Variants in DCDC1 observed in about 807,000 individuals in gnomAD.
DCDC1 encodes the protein doublecortin domain-containing protein 1.
DCDC1 carries 200 observed loss-of-function variants against 178.3 expected under a neutral mutation model. That is an observed-to-expected ratio of 1.12 (90% CI 1.00 to 1.26). The LOEUF (loss-of-function observed/expected upper bound fraction) is 1.26, where lower values mean the gene tolerates loss of function less well. DCDC1 is among the 50% of genes most tolerant of loss of function. The pLI, the probability that DCDC1 is intolerant of heterozygous loss-of-function variation, is 0.00. For synonymous variants in DCDC1, 690 were observed against 604.8 expected, an observed-to-expected ratio of 1.14 and a Z score of -2.07; for missense variants, 1,983 against 1,749.2, an observed-to-expected ratio of 1.13 and a Z score of -2.38.
chr11:30,894,420 T>A, intron 34 of DCDC1, 36 bp from the exon 35 acceptor site: 1 of 1,603,606 alleles, frequency 6.2e-7, no homozygotes, highest in Non-Finnish European at 8.5e-7. Flanking sequence ...TTGTTTCTGA[T>A]GATAGGCTTT....
chr11:31,085,124 G>T (rs1235792181), intron 17 of DCDC1, among the ~76,000 whole-genome samples: 1 of 150,988 alleles, frequency 6.6e-6, no homozygotes, highest in African/African-American at 2.4e-5. Flanking sequence ...TAACCATTTA[G>T]TCATTCCTTA....
chr11:31,327,918 CA>C (rs1206840273), intron 3 of DCDC1, among the ~76,000 whole-genome samples, 198 bp downstream of exon 3: 1 of 151,636 alleles, frequency 6.6e-6, no homozygotes, highest in Non-Finnish European at 1.5e-5. Context: ...TTAGTAGAGA[CA>C]GGGTTTCACC....
intron 8 of DCDC1, among the ~76,000 whole-genome samples, chr11:31,259,958 G>C (rs1455485074): frequency 6.6e-6 from 1 of 152,158 alleles, no homozygotes; most frequent in East Asian, 1.9e-4. Flanking sequence ...CCTGGGAGTG[G>C]CTACTGTTGT....
intron 21 of DCDC1, chr11:30,943,473 A>G (rs1223914994): frequency 9.4e-6 from 3 of 319,042 alleles, no homozygotes; most frequent in Non-Finnish European, 1.9e-5. Flanking sequence ...ATTTTAATTT[A>G]GATACTTTAA....
At chr11:30,880,942 A>G (rs1406086791) in intron 37 of DCDC1, among the ~76,000 whole-genome samples, 1 of 152,202 alleles carries the variant, frequency 6.6e-6, no homozygotes, top group African/African-American at 2.4e-5. Flanking sequence ...AAGGTTCAAG[A>G]TTAACTGAAA....
chr11:31,081,698 C>A (rs1283178938), intron 17 of DCDC1, among the ~76,000 whole-genome samples: 3 of 152,124 alleles, frequency 2.0e-5, no homozygotes, highest in Non-Finnish European at 2.9e-5. Flanking sequence ...AGCTTCAATT[C>A]TGTTCTGGCA....
chr11:31,141,855 G>A (rs1019413972), intron 9 of DCDC1, among the ~76,000 whole-genome samples: 3 of 152,192 alleles, frequency 2.0e-5, no homozygotes, highest in Non-Finnish European at 4.4e-5. Flanking sequence ...AGTTTAGCGC[G>A]AGAGCTTTCT....
chr11:31,003,990 G>T (rs1261279468), intron 20 of DCDC1, among the ~76,000 whole-genome samples: 1 of 152,142 alleles, frequency 6.6e-6, no homozygotes, highest in Non-Finnish European at 1.5e-5. Flanking sequence ...GCAAGTGGTG[G>T]CTGGTGATGC....
At position 30,932,016 on chromosome 11, in the gene DCDC1, A is replaced by T. The variant is rs1005559780; in HGVS notation, c.2716-64T>A. On this transcript the variant is annotated intron_variant, in intron 21 of 38. Transcript: ENST00000684477. ...GAAGAAGGGTCATGTCTAGATTTTTAAAAATATTAAACACAGTTTATACCT... is the reference window on the plus strand; with the variant it reads ...GAAGAAGGGTCATGTCTAGATTTTTTAAAATATTAAACACAGTTTATACCT... 7 of 1,435,210 alleles carry T rather than the reference A, an allele frequency of 4.9e-6. No homozygotes were observed. The African/African-American group carries it at 7.2e-5, about 15-fold the overall frequency. The allele number at this position is 1,435,210 out of a possible 1,614,324, so 88.9% of individuals were successfully genotyped here. A position where few individuals can be genotyped will look rare whatever the true frequency, so the allele number is the denominator to read the frequency against.
At chr11:30,876,850 G>A (rs975913460) in intron 38 of DCDC1, among the ~76,000 whole-genome samples, 1 of 151,980 alleles carries the variant, frequency 6.6e-6, no homozygotes, top group African/African-American at 2.4e-5. Flanking sequence ...CTAGGGAGAG[G>A]CCCAGTTGGC....
intron 8 of DCDC1, among the ~76,000 whole-genome samples, chr11:31,248,796 T>C (rs1477851112): frequency 6.6e-6 from 1 of 152,112 alleles, no homozygotes; most frequent in Non-Finnish European, 1.5e-5. Context: ...TAATTAGTGT[T>C]TTTACATATT....
chr11:31,061,598 G>A (rs1052470137), intron 20 of DCDC1, among the ~76,000 whole-genome samples: 4 of 152,144 alleles, frequency 2.6e-5, no homozygotes, highest in Admixed American at 6.6e-5. Context: ...AGCCGATCAC[G>A]TATGGAGCCT....
intron 6 of DCDC1, among the ~76,000 whole-genome samples, chr11:31,305,317 A>G (rs976260708): frequency 1.3e-5 from 2 of 152,190 alleles, no homozygotes; most frequent in Admixed American, 6.5e-5. Context: ...ACTAAACAGT[A>G]AATTCAATAA....
At chr11:31,341,124 A>G (rs555666281) in intron 1 of DCDC1, among the ~76,000 whole-genome samples, 1 of 152,214 alleles carries the variant, frequency 6.6e-6, no homozygotes, top group South Asian at 2.1e-4. Flanking sequence ...GTTTTTCTGC[A>G]GGTGACTCTG....
At chr11:31,104,225 C>A (rs998292510) in intron 13 of DCDC1, among the ~76,000 whole-genome samples, 2 of 152,052 alleles carry the variant, frequency 1.3e-5, no homozygotes, top group African/African-American at 4.8e-5. Context: ...TTGTTAGGCA[C>A]ACTGTTTTAA....
intron 38 of DCDC1, among the ~76,000 whole-genome samples, chr11:30,873,059 G>C (rs1941734850): frequency 1.3e-5 from 2 of 149,382 alleles, no homozygotes; most frequent in South Asian, 2.1e-4. Flanking sequence ...GTATATACAA[G>C]CTGGTCTCTC....
intron 20 of DCDC1, among the ~76,000 whole-genome samples, chr11:30,975,317 G>C (rs991290420): frequency 1.3e-5 from 2 of 151,914 alleles, no homozygotes; most frequent in Non-Finnish European, 2.9e-5. Context: ...AGCAAGACAA[G>C]GATACCCCAC....
At chr11:31,125,683 C>A (rs565072283) in intron 11 of DCDC1, among the ~76,000 whole-genome samples, 29 of 152,210 alleles carry the variant, frequency 1.9e-4, no homozygotes, top group Admixed American at 9.2e-4. Flanking sequence ...GAACAGAAAA[C>A]CAAACACTGT....
intron 20 of DCDC1, among the ~76,000 whole-genome samples, chr11:30,968,521 T>A (rs1451951035): frequency 1.3e-5 from 2 of 151,646 alleles, no homozygotes; most frequent in East Asian, 1.9e-4. Flanking sequence ...ATTGTTATAA[T>A]TGTTCTATTT....
Sources: gnomAD v4.1 joint callset for allele counts (sites outside exome capture counted in the v4.1 genomes callset) on GRCh38, gnomAD v4.1.1 for gene constraint, MANE v1.5 for transcripts, NCBI Gene and HGNC (gene_info 2026-07-23, HGNC 2026-07-21) for gene names.